The following DLG5 variants were observed in gnomAD, a reference collection of about 807,000 sequenced individuals.
DLG5 encodes the protein disks large homolog 5.
Under a neutral mutation model 189.8 loss-of-function variants are expected in DLG5, and 48 were observed. That is an observed-to-expected ratio of 0.25 (90% CI 0.20 to 0.32). DLG5 has a LOEUF of 0.32. Among genes scored for constraint, DLG5 ranks in the 10% least tolerant of loss-of-function variants. The pLI is 1.00. For synonymous variants in DLG5, 1,016 were observed against 1,054.1 expected (o/e 0.96, Z 0.70); for missense variants, 2,160 against 2,544.7 (o/e 0.85, Z 3.25).
At chr10:77,936,488 AC>A in the DLG5 span, among the ~76,000 whole-genome samples, 3 of 151,502 alleles carry the variant, frequency 2.0e-5, no homozygotes, top group African/African-American at 4.8e-5. Flanking sequence ...AGAGGCCCAG[AC>A]CTAGTCATGA....
intron 1 of DLG5, among the ~76,000 whole-genome samples, chr10:77,884,817 C>G (rs1845390596): frequency 6.6e-6 from 1 of 152,136 alleles, no homozygotes; most frequent in Non-Finnish European, 1.5e-5. Context: ...AAACATGCTT[C>G]CTCTCCGATA....
Position 77,809,615 on chromosome 10 carries a change from C to T in DLG5, c.4579G>A (p.Ala1527Thr). Reference protein sequence around the residue: ...CGGNLHGVFVAEVEDDSPAKG... With the variant: ...CGGNLHGVFVTEVEDDSPAKG... ...GCAGGACTGTCATCCTCCACCTCGGCCACAAACACCCCATGCAGGTTCCCA... is the reference window on the plus strand; with the variant it reads ...GCAGGACTGTCATCCTCCACCTCGGTCACAAACACCCCATGCAGGTTCCCA... The change falls in exon 24 of 32, where the codon GCC (alanine) becomes ACC (threonine). Residue 1527 changes from alanine (A) to threonine (T), a missense_variant. By Grantham distance (58) the Ala-to-Thr change is moderately conservative (BLOSUM62 0). This residue lies in a region of DLG5 where 574 missense variants were observed against 644.2 expected (regional missense o/e 0.89). Coordinates refer to ENST00000372391, the MANE Select transcript of DLG5 (RefSeq NM_004747.4). 1.2e-6 allele frequency: 2 copies of T among 1,614,200 alleles called. No individual in the cohort carries two copies. The highest frequency in any genetic ancestry group is 1.7e-6 in the Non-Finnish European group (2 of 1,180,024).
chr10:77,912,259 T>G (rs1356897340), intron 1 of DLG5: 1 of 151,794 alleles, frequency 6.6e-6, no homozygotes, highest in Non-Finnish European at 1.5e-5. Flanking sequence ...ATCTATCAAT[T>G]TATTTATAGA....
At chr10:77,792,823 A>C (rs999130862) in intron 31 of DLG5, 6 of 449,662 alleles carry the variant, frequency 1.3e-5, no homozygotes, top group Non-Finnish European at 2.4e-5. Flanking sequence ...CATCAGAAGG[A>C]AGTTTGGAGG....
chr10:77,900,069 G>A (rs1406572449), intron 1 of DLG5, among the ~76,000 whole-genome samples: 2 of 152,116 alleles, frequency 1.3e-5, no homozygotes, highest in African/African-American at 4.8e-5. Flanking sequence ...GCTCTACAGT[G>A]TATATATATT....
chr10:77,905,927 TTA>T (rs1348082705), intron 1 of DLG5, among the ~76,000 whole-genome samples: 3 of 152,250 alleles, frequency 2.0e-5, no homozygotes, highest in Non-Finnish European at 2.9e-5. Context: ...GCTCTATTTC[TTA>T]TGTTTTCACT....
chr10:77,819,877 CCTGGCTGG>C lies in DLG5; in HGVS notation c.3526+10_3526+17del. 1 of 1,540,270 alleles carries C rather than the reference CCTGGCTGG, an allele frequency of 6.5e-7. No individual in the cohort carries two copies. Among genetic ancestry groups the C allele is most frequent in the South Asian group, 1.3e-5 (1 of 78,804 alleles). On this transcript the variant is annotated intron_variant, in intron 16 of 31. Coordinates refer to ENST00000372391, the MANE Select transcript of DLG5 (RefSeq NM_004747.4). ...TTTACACCGACCCTCAGCCCCAGCC[CCTGGCTGG>C]CTGACTCACCCACAGACGGCCTGCT...
At chr10:77,939,129 G>A in the DLG5 span, among the ~76,000 whole-genome samples, 1 of 152,184 alleles carries the variant, frequency 6.6e-6, no homozygotes, top group East Asian at 1.9e-4. Flanking sequence ...GCAGTGAGCT[G>A]AGATCTTGCC....
At chr10:77,846,202 G>A (rs1843683467) in intron 5 of DLG5, among the ~76,000 whole-genome samples, 2 of 151,992 alleles carry the variant, frequency 1.3e-5, no homozygotes, top group African/African-American at 2.4e-5. Context: ...CCGAGATCAC[G>A]CCATGGCACT....
chr10:77,842,162 C>G lies in DLG5; in HGVS notation c.1156G>C (p.Ala386Pro), dbSNP rs1843451578. 6.2e-7 allele frequency: 1 copy of G among 1,606,482 alleles called. No homozygotes were observed. Among genetic ancestry groups the G allele is most frequent in the Non-Finnish European group, 8.5e-7 (1 of 1,179,984 alleles). Residue 386 changes from alanine (A) to proline (P), a missense_variant, in exon 7 of 32, where the codon GCC becomes CCC. Transcript: ENST00000372391. ...FEAIHHELNK[A>P]TAQNKDLQWE... is the part of the protein sequence containing the mutation. ...TGCAGGTCCTTGTTCTGCGCCGTGG[C>G]CTTGTTCAGCTCATGGTGGATCGCC...
intron 8 of DLG5, among the ~76,000 whole-genome samples, chr10:77,834,695 T>C (rs1843040000): frequency 6.6e-6 from 1 of 152,126 alleles, no homozygotes; most frequent in Non-Finnish European, 1.5e-5. Flanking sequence ...CCCAGAGGAC[T>C]GGTTCCTACC....
chr10:77,876,576 G>A (rs1248095144), intron 1 of DLG5, among the ~76,000 whole-genome samples: 6 of 151,534 alleles, frequency 4.0e-5, no homozygotes, highest in South Asian at 4.2e-4. Flanking sequence ...GTTTCACCAC[G>A]TTGGCCAGGC....
intron 1 of DLG5, among the ~76,000 whole-genome samples, chr10:77,908,369 C>T (rs1846125788): frequency 6.6e-6 from 1 of 152,164 alleles, no homozygotes; most frequent in Non-Finnish European, 1.5e-5. Context: ...CCACCGGGTC[C>T]TCCTTCACAC....
chr10:77,936,159 G>T, the DLG5 span, among the ~76,000 whole-genome samples: 6 of 152,128 alleles, frequency 3.9e-5, no homozygotes, highest in Non-Finnish European at 8.8e-5. Flanking sequence ...AGAGAATCTG[G>T]CTGGGCATGG....
At chr10:77,867,169 T>A in intron 2 of DLG5, 1 of 434,810 alleles carries the variant, frequency 2.3e-6, no homozygotes, top group Non-Finnish European at 4.6e-6. Flanking sequence ...TATGCTGGGG[T>A]CCAGCTGCCC....
chr10:77,833,705 T>C (rs2154576029), intron 9 of DLG5, among the ~76,000 whole-genome samples: 1 of 152,318 alleles, frequency 6.6e-6, no homozygotes, highest in East Asian at 1.9e-4. Context: ...GGCCTAAGAA[T>C]TTCTAATTAA....
intron 2 of DLG5, among the ~76,000 whole-genome samples, chr10:77,861,184 C>A (rs972391006): frequency 6.6e-6 from 1 of 152,162 alleles, no homozygotes; most frequent in Admixed American, 6.5e-5. Context: ...GCAGAAAAGA[C>A]CAGTGACATC....
chr10:77,843,414 T>C (rs754106141), intron 6 of DLG5, 33 bp downstream of exon 6: 2 of 1,607,278 alleles, frequency 1.2e-6, no homozygotes, highest in East Asian at 2.2e-5. Context: ...ATAGGACCCA[T>C]TTGCCCCCGG....
chr10:77,898,314 A>G lies in DLG5; in HGVS notation c.304+27903T>C, dbSNP rs61031980. On this transcript the variant is annotated intron_variant, in intron 1 of 31. Transcript: ENST00000372391. ...GGGACTTCACTTTTCTTGGAGAAGGAGAGAGAAAAAGGGAAGCAAATCCTG... is the reference window on the plus strand; with the variant it reads ...GGGACTTCACTTTTCTTGGAGAAGGGGAGAGAAAAAGGGAAGCAAATCCTG... Among the ~76,000 whole-genome samples the G allele has an allele frequency of 6.0e-3, 907 of 152,316 alleles. 10 individuals are homozygous for G. Among genetic ancestry groups the G allele is most frequent in the African/African-American group, 0.021 (855 of 41,572 alleles).
Sources: allele counts gnomAD v4.1 joint callset (sites outside exome capture counted in the v4.1 genomes callset), GRCh38; gene constraint gnomAD v4.1.1; regional missense constraint gnomAD v4.1.1; transcripts MANE v1.5; gene names NCBI Gene and HGNC (gene_info 2026-07-23, HGNC 2026-07-21).